MYL2: variants seen among roughly 807,000 people sequenced by gnomAD.
MYL2 encodes myosin regulatory light chain 2, ventricular/cardiac muscle isoform.
MYL2 carries 19 observed loss-of-function variants against 23.0 expected under a neutral mutation model. That is an observed-to-expected ratio of 0.83 (90% CI 0.58 to 1.21). The LOEUF (loss-of-function observed/expected upper bound fraction) is 1.21. MYL2 is among the 50% of genes most tolerant of loss of function. The pLI is 0.00. For synonymous variants in MYL2, 78 were observed against 76.2 expected, an observed-to-expected ratio of 1.02 and a Z score of -0.13; for missense variants, 180 against 215.1, an observed-to-expected ratio of 0.84 and a Z score of 1.02.
intron 6 of MYL2, 87 bp downstream of exon 6, chr12:110,913,009 G>T: frequency 1.4e-6 from 2 of 1,408,894 alleles, no homozygotes; most frequent in Non-Finnish European, 2.0e-6. Context: ...TGGGGTCAGG[G>T]GTGCTTTAGA....
At position 110,913,195 on chromosome 12, in the gene MYL2, G is replaced by T. The variant is rs2233260; in HGVS notation, c.353+51C>A. The stretch of plus-strand genomic sequence containing the variant: ...GGTGTCAGTTGTGTGTGTGTAGGGG[G>T]GACAGGGGGCAAGCAGGGAACCCCC... On this transcript the variant is annotated intron_variant, in intron 5 of 6. Transcript: ENST00000228841. 0.014 allele frequency: 22,787 copies of T among 1,613,286 alleles called. 231 individuals carry two copies. The highest frequency in any genetic ancestry group is 0.015 in the Non-Finnish European group (17,964 of 1,179,936).
chr12:110,913,239 C>T lies in MYL2; in HGVS notation c.353+7G>A, dbSNP rs764227154. The T allele has an allele frequency of 3.7e-6, 6 of 1,614,072 alleles. No individual in the cohort carries two copies. Among genetic ancestry groups the T allele is most frequent in the African/African-American group, 1.3e-5 (1 of 74,924 alleles). Reference sequence around the variant, plus strand: ...AACCCCCTTCCTCCCCCACAGACCCCACTCACTAATCAGCCTTCAGCACCC... The same window carrying T: ...AACCCCCTTCCTCCCCCACAGACCCTACTCACTAATCAGCCTTCAGCACCC... On this transcript the variant is annotated splice_region_variant and intron_variant, in intron 5 of 6. Transcript: ENST00000228841.
At chr12:110,919,974 C>A (rs537954691) in intron 1 of MYL2, among the ~76,000 whole-genome samples, 6 of 152,132 alleles carry the variant, frequency 3.9e-5, no homozygotes, top group African/African-American at 1.4e-4. Context: ...AAGGCAGAGC[C>A]GGAGTTGAAC....
chr12:110,914,250 G>T lies in MYL2; in HGVS notation c.210C>A (p.Ile70=). ...AGTTAATTGGACCCGGAGCCTCCTT[G>T]ATCATTTCATCAATTTCTTCATTTT... The part of the protein sequence containing the change: ...NVKNEEIDEM[I]KEAPGPINFT... The change falls in exon 4 of 7, where the codon ATC becomes ATA. Residue 70 remains isoleucine (I), a synonymous_variant. Coordinates refer to ENST00000228841, the MANE Select transcript of MYL2 (RefSeq NM_000432.4). 6 of 1,613,952 alleles carry T rather than the reference G, an allele frequency of 3.7e-6. No homozygotes were observed. Among genetic ancestry groups the T allele is most frequent in the Non-Finnish European group, 5.1e-6 (6 of 1,180,002 alleles).
chr12:110,920,401 T>A, intron 1 of MYL2, 126 bp downstream of exon 1: 1 of 1,434,178 alleles, frequency 7.0e-7, no homozygotes, highest in East Asian at 2.3e-5. Flanking sequence ...TCAATGGGGC[T>A]TTTTCCACAA....
rs568143518 is a variant in MYL2, at chr12:110,911,300, T to C, written c.403-125A>G. 5.7e-5 allele frequency: 39 copies of C among 687,508 alleles called. No individual in the cohort carries two copies. The Admixed American group carries it at 8.0e-4, about 14-fold the overall frequency. 42.6% of individuals were successfully genotyped at this position (687,508 alleles called of 1,614,324 possible). On this transcript the variant is annotated intron_variant, in intron 6 of 6. Coordinates refer to ENST00000228841, the MANE Select transcript of MYL2 (RefSeq NM_000432.4). ...GGTGGGGGATGGGAACATGGGCCAC[T>C]CAGAGGGTCCTCCGGGGAAGGACTT...
Position 110,920,576 on chromosome 12 carries a change from G to A in MYL2, c.-47C>T, listed in dbSNP as rs771537704. 12 of 1,613,860 alleles carry A rather than the reference G, an allele frequency of 7.4e-6. No homozygotes were observed. The highest frequency in any genetic ancestry group is 5.5e-5 in the South Asian group (5 of 91,070). On this transcript the variant is annotated 5_prime_UTR_variant, in exon 1 of 7. Coordinates refer to ENST00000228841, the MANE Select transcript of MYL2 (RefSeq NM_000432.4). ...CCTCCCGAGAAGAATTCCACACTCCGCCCAGCTCTCTGCAGCCCAGGAACA... is the reference window on the plus strand; with the variant it reads ...CCTCCCGAGAAGAATTCCACACTCCACCCAGCTCTCTGCAGCCCAGGAACA...
chr12:110,920,619 A>G (rs143380163), upstream of MYL2: 2 of 1,597,250 alleles, frequency 1.3e-6, no homozygotes, highest in Non-Finnish European at 1.7e-6. Context: ...CTTCCTCCCC[A>G]TGTTTAAAAA....
intron 1 of MYL2, among the ~76,000 whole-genome samples, chr12:110,919,426 A>G (rs930101272): frequency 6.6e-6 from 1 of 152,214 alleles, no homozygotes; most frequent in Admixed American, 6.5e-5. Context: ...GCGTTTGTGC[A>G]TCTTGCAGTG....
intron 2 of MYL2, among the ~76,000 whole-genome samples, chr12:110,916,747 A>G (rs1220316656): frequency 1.3e-5 from 2 of 152,192 alleles, no homozygotes; most frequent in Non-Finnish European, 2.9e-5. Flanking sequence ...GATAGTGGTG[A>G]TGGTTGCACA....
At chr12:110,916,063 C>CA (rs1283245426) in intron 2 of MYL2, among the ~76,000 whole-genome samples, 4 of 152,234 alleles carry the variant, frequency 2.6e-5, no homozygotes, top group African/African-American at 9.6e-5. Flanking sequence ...AGGCTGGGCA[C>CA]AGTGGCTCAC....
chr12:110,915,333 A>G (rs1244731090), intron 3 of MYL2, among the ~76,000 whole-genome samples: 1 of 152,200 alleles, frequency 6.6e-6, no homozygotes, highest in African/African-American at 2.4e-5. Flanking sequence ...TAATTTAAAA[A>G]ACTAAAACCC....
In MYL2 at chr12:110,911,154, A is replaced by C. The variant is rs747192296; in HGVS notation, c.424T>G (p.Phe142Val). 1 of 1,577,150 alleles carries C rather than the reference A, an allele frequency of 6.3e-7. No individual in the cohort carries two copies. Among genetic ancestry groups the C allele is most frequent in the African/African-American group, 1.4e-5 (1 of 73,268 alleles). The change falls in exon 7 of 7, where the codon TTC becomes GTC. Residue 142 changes from phenylalanine (F) to valine (V), a missense_variant. Transcript: ENST00000228841. The part of the protein sequence containing the change: ...KEEVDQMFAA[F>V]PPDVTGNLDY... ...AAGTTGCCAGTCACGTCAGGGGGGA[A>C]GGCGGCGAACATCTGGTCAACCTGC...
At chr12:110,919,936 G>A (rs1015236245) in intron 1 of MYL2, among the ~76,000 whole-genome samples, 3 of 152,122 alleles carry the variant, frequency 2.0e-5, no homozygotes, top group Non-Finnish European at 4.4e-5. Context: ...TGGGTCACTT[G>A]CCCAAGATCA....
rs1188239523 is a variant in MYL2 at position 110,918,691 on chromosome 12, T to C, written c.93+413A>G. ...AATACATGATAGGAAATGTTAATGG[T>C]GAATTTCTCAACGAAAAAAATGCAG... On this transcript the variant is annotated intron_variant, in intron 2 of 6. Coordinates refer to ENST00000228841, the MANE Select transcript of MYL2 (RefSeq NM_000432.4). This position sits in a 1 kb window ranked among gnomAD's most constrained non-coding sequence, Gnocchi z 4.4. 5.9e-6 allele frequency: 1 copy of C among 168,356 alleles called. No individual in the cohort carries two copies. The highest frequency in any genetic ancestry group is 2.4e-5 in the African/African-American group (1 of 41,664). 10.4% of individuals were successfully genotyped at this position (168,356 alleles called of 1,614,324 possible).
At chr12:110,912,855 T>A (rs1393710153) in intron 6 of MYL2, among the ~76,000 whole-genome samples, 1 of 152,316 alleles carries the variant, frequency 6.6e-6, no homozygotes, top group East Asian at 1.9e-4. Flanking sequence ...GTGATTATTG[T>A]TATTTTAGAT....
At position 110,914,211 on chromosome 12, in the gene MYL2, G is replaced by A. The variant is rs1240275237; in HGVS notation, c.249C>T (p.Leu83=). The part of the protein sequence containing the change: ...APGPINFTVF[L]TMFGEKLKGA... ...CCTTAAGTTTCTCCCCAAACATTGT[G>A]AGGAACACAGTAAAGTTAATTGGAC... Residue 83 remains leucine (L), a synonymous_variant, in exon 4 of 7, where the codon CTC becomes CTT. Coordinates refer to ENST00000228841, the MANE Select transcript of MYL2 (RefSeq NM_000432.4). The A allele has an allele frequency of 4.3e-6, 7 of 1,613,840 alleles. No homozygotes were observed. The African/African-American group carries it at 6.7e-5, about 15-fold the overall frequency.
chr12:110,913,295 C>A lies in MYL2; in HGVS notation c.304G>T (p.Ala102Ser), dbSNP rs369868176. The change falls in exon 5 of 7, where the codon GCA becomes TCA. Residue 102 changes from alanine (A) to serine (S), a missense_variant. By Grantham distance (99) the Ala-to-Ser change is moderately conservative (BLOSUM62 1). Coordinates refer to ENST00000228841, the MANE Select transcript of MYL2 (RefSeq NM_000432.4). ...GADPEETILN[A>S]FKVFDPEGKG... ...CCTTCAGGGTCAAACACTTTGAATG[C>A]GTTGAGAATGGTTTCCTCAGGGTCC... 1.2e-6 allele frequency: 2 copies of A among 1,614,178 alleles called. No homozygotes were observed. The highest frequency in any genetic ancestry group is 2.2e-5 in the East Asian group (1 of 44,878).
upstream of MYL2, chr12:110,920,753 A>G (rs1309176983): frequency 6.3e-6 from 4 of 638,990 alleles, no homozygotes; most frequent in Non-Finnish European, 8.3e-6. Context: ...TGAGCCCCCA[A>G]AAAGGCATTC....
Sources: gnomAD v4.1 joint callset for allele counts (sites outside exome capture counted in the v4.1 genomes callset) on GRCh38, gnomAD v4.1.1 for gene constraint, Gnocchi (gnomAD v3.1) non-coding constraint, MANE v1.5 for transcripts, NCBI Gene and HGNC (gene_info 2026-07-23, HGNC 2026-07-21) for gene names.